Variants in ADD3 observed in about 807,000 individuals in gnomAD.
ADD3 encodes the protein adducin 3, also known as gamma-adducin.
In ADD3, 25 loss-of-function variants were observed where a neutral mutation model predicts 80.2. The observed-to-expected ratio is 0.31, with a 90% CI of 0.23 to 0.44. ADD3 has a LOEUF of 0.44. ADD3 is among the 20% of genes least tolerant of loss of function. The pLI, the probability that ADD3 is intolerant of heterozygous loss-of-function variation, is 1.00. For synonymous variants in ADD3, 284 were observed against 289.6 expected, an observed-to-expected ratio of 0.98 and a Z score of 0.20; for missense variants, 829 against 847.5, an observed-to-expected ratio of 0.98 and a Z score of 0.27.
rs182477923 is a variant in ADD3 at position 110,135,290 on chromosome 10, A to C, written c.*1672A>C. 14 of 152,772 alleles carry C rather than the reference A, an allele frequency of 9.2e-5. No individual in the cohort carries two copies. Among genetic ancestry groups the C allele is most frequent in the Admixed American group, 8.5e-4 (13 of 15,310 alleles). The allele number at this position is 152,772 out of a possible 1,614,324, so 9.5% of individuals were successfully genotyped here. ...TGTTCTACATCATTTATGTTGTATT[A>C]CAATGTATGTAGAAATAGTAACCTG... On this transcript the variant is annotated 3_prime_UTR_variant, in exon 15 of 15. Transcript: ENST00000356080.
At chr10:110,021,622 T>A (rs1853688175) in intron 1 of ADD3, among the ~76,000 whole-genome samples, 1 of 152,160 alleles carries the variant, frequency 6.6e-6, no homozygotes. Context: ...GGCCACATAT[T>A]ATATGGTTCC....
At chr10:110,048,519 A>G (rs1857146740) in intron 1 of ADD3, among the ~76,000 whole-genome samples, 2 of 152,202 alleles carry the variant, frequency 1.3e-5, no homozygotes, top group African/African-American at 4.8e-5. Context: ...TGACAATCAT[A>G]TGGACAATGA....
intron 1 of ADD3, among the ~76,000 whole-genome samples, chr10:110,058,475 C>G (rs532328299): frequency 1.3e-5 from 2 of 152,142 alleles, no homozygotes; most frequent in African/African-American, 4.8e-5. Context: ...ATCTGATTGA[C>G]GAGATGGTGA....
intron 10 of ADD3, 36 bp downstream of exon 10, chr10:110,124,310 A>G (rs768532994): frequency 3.8e-6 from 6 of 1,597,446 alleles, no homozygotes; most frequent in Non-Finnish European, 5.1e-6. Flanking sequence ...CCTTTACTAA[A>G]TATTTTGCCT....
intron 1 of ADD3, among the ~76,000 whole-genome samples, chr10:110,030,129 GC>G (rs536455530): frequency 0.012 from 1,810 of 149,956 alleles, 37 homozygotes; most frequent in South Asian, 0.057. Flanking sequence ...TTCGAGACCA[GC>G]CTGACCAACA....
chr10:110,130,316 A>C, intron 12 of ADD3, 47 bp from the exon 13 acceptor site: 1 of 1,589,900 alleles, frequency 6.3e-7, no homozygotes, highest in Non-Finnish European at 8.6e-7. Context: ...ATAGATATAT[A>C]AGTAAAACTC....
chr10:110,074,350 G>A (rs1195262059), intron 1 of ADD3, among the ~76,000 whole-genome samples: 1 of 152,160 alleles, frequency 6.6e-6, no homozygotes, highest in Non-Finnish European at 1.5e-5. Context: ...CTTATGGAAT[G>A]TTTCATTCAC....
chr10:110,007,257 T>A (rs1851714055), upstream of ADD3, among the ~76,000 whole-genome samples: 3 of 151,322 alleles, frequency 2.0e-5, no homozygotes, highest in Admixed American at 2.0e-4. Flanking sequence ...TCTCGAGGGG[T>A]CCAAATGAAG....
upstream of ADD3, among the ~76,000 whole-genome samples, chr10:110,005,248 G>T (rs142708714): frequency 0.012 from 1,829 of 150,886 alleles, 30 homozygotes; most frequent in African/African-American, 0.041. Flanking sequence ...TTTTAGTAGA[G>T]ACGGGATTTC....
chr10:110,041,277 G>A (rs968582989), intron 1 of ADD3, among the ~76,000 whole-genome samples: 1 of 152,132 alleles, frequency 6.6e-6, no homozygotes, highest in Non-Finnish European at 1.5e-5. Flanking sequence ...TGAAGTTGTG[G>A]GAGGCAGATG....
chr10:110,025,154 C>T (rs745976964), intron 1 of ADD3, among the ~76,000 whole-genome samples: 3 of 151,998 alleles, frequency 2.0e-5, no homozygotes, highest in Non-Finnish European at 4.4e-5. Flanking sequence ...CCTCGGCCTC[C>T]CAAAGTGCTG....
chr10:110,111,963 G>T (rs958824716), intron 2 of ADD3, among the ~76,000 whole-genome samples: 2 of 152,052 alleles, frequency 1.3e-5, no homozygotes, highest in African/African-American at 4.8e-5. Context: ...TGCAGAGAGT[G>T]ATTAGAACTC....
intron 3 of ADD3, among the ~76,000 whole-genome samples, chr10:110,113,229 A>T (rs967464586): frequency 1.3e-5 from 2 of 152,088 alleles, no homozygotes; most frequent in Non-Finnish European, 2.9e-5. Flanking sequence ...CCTAGCAAAC[A>T]AAGTGAAAAC....
chr10:110,118,630 C>T lies in ADD3; in HGVS notation c.611C>T (p.Thr204Ile). 1.2e-6 allele frequency: 2 copies of T among 1,613,872 alleles called. No homozygotes were observed. Among genetic ancestry groups the T allele is most frequent in the Non-Finnish European group, 1.7e-6 (2 of 1,179,748 alleles). Residue 204 changes from threonine to isoleucine, a missense_variant, in exon 6 of 15, where the codon ACC becomes ATC. Coordinates refer to ENST00000356080, the MANE Select transcript of ADD3 (RefSeq NM_016824.5). ...IIGEVVDQGS[T>I]NLKIDHTGFS... The stretch of plus-strand genomic sequence containing the variant: ...GGAGAAGTGGTTGACCAGGGAAGTA[C>T]CAATTTGAAAATTGACCATACAGGA...
At chr10:110,039,294 T>G (rs1856018048) in intron 1 of ADD3, among the ~76,000 whole-genome samples, 1 of 151,918 alleles carries the variant, frequency 6.6e-6, no homozygotes. Context: ...TACCCCAATT[T>G]AAGCATTCAG....
Position 110,100,676 on chromosome 10 carries a change from G to C in ADD3, c.23G>C (p.Gly8Ala). The change falls in exon 2 of 15, where the codon GGC becomes GCC. Residue 8 changes from glycine (G) to alanine (A), a missense_variant. Physicochemically the swap from Gly to Ala is moderately conservative, Grantham distance 60. Transcript: ENST00000356080. Reference protein sequence around the residue: MSSDASQGVITTPPPPSM... With the variant: MSSDASQAVITTPPPPSM... ...AACATGAGCTCAGATGCCAGCCAAGGCGTGATTACCACTCCTCCTCCTCCC... is the reference window on the plus strand; with the variant it reads ...AACATGAGCTCAGATGCCAGCCAAGCCGTGATTACCACTCCTCCTCCTCCC... The C allele has an allele frequency of 6.2e-7, 1 of 1,610,840 alleles. No individual in the cohort carries two copies. The highest frequency in any genetic ancestry group is 8.5e-7 in the Non-Finnish European group (1 of 1,178,702).
intron 1 of ADD3, among the ~76,000 whole-genome samples, chr10:110,027,304 A>T (rs1854427463): frequency 6.6e-6 from 1 of 152,150 alleles, no homozygotes; most frequent in Non-Finnish European, 1.5e-5. Flanking sequence ...TGCCTTTTGT[A>T]CAGGTTGAGT....
intron 1 of ADD3, among the ~76,000 whole-genome samples, chr10:110,015,015 A>G (rs1174711808): frequency 6.6e-6 from 1 of 151,778 alleles, no homozygotes; most frequent in Non-Finnish European, 1.5e-5. Context: ...CTGGGTTTAC[A>G]GGCATGGGCC....
intron 1 of ADD3, among the ~76,000 whole-genome samples, chr10:110,032,642 G>A (rs151192029): frequency 2.0e-4 from 30 of 152,238 alleles, no homozygotes; most frequent in Non-Finnish European, 4.0e-4. Context: ...TAGGTGGTGT[G>A]GATTCAGCTT....
Sources: allele counts gnomAD v4.1 joint callset (sites outside exome capture counted in the v4.1 genomes callset), GRCh38; gene constraint gnomAD v4.1.1; transcripts MANE v1.5; gene names NCBI Gene and HGNC (gene_info 2026-07-23, HGNC 2026-07-21).